The following NUMB variants were observed in gnomAD, a reference collection of about 807,000 sequenced individuals.
NUMB encodes protein numb homolog.
In NUMB, 29 loss-of-function variants were observed where a neutral mutation model predicts 59.7. The observed-to-expected ratio is 0.49, with a 90% CI of 0.36 to 0.66. NUMB has a LOEUF of 0.66. Among genes scored for constraint, NUMB ranks in the 30% least tolerant of loss-of-function variants. The probability of loss-of-function intolerance (pLI) is 0.00; values close to 1 mark genes in which losing one functional copy is unlikely to be tolerated. For missense variants in NUMB, 723 were observed against 822.0 expected, an observed-to-expected ratio of 0.88 and a Z score of 1.47; for synonymous variants, 288 against 288.2, an observed-to-expected ratio of 1.00 and a Z score of 0.01.
At chr14:73,451,173 A>AC (rs1883932336) in intron 1 of NUMB, among the ~76,000 whole-genome samples, 1 of 116,948 alleles carries the variant, frequency 8.6e-6, no homozygotes, top group Non-Finnish European at 1.7e-5. Context: ...AAAAAAAAAA[A>AC]ACAAAAAACA....
Position 73,437,760 on chromosome 14 carries a change from G to T in NUMB, c.-233+20733C>A, listed in dbSNP as rs117828595. ...GTAGCTAGGGAGAGGGAGGGCAAAA[G>T]AACTTGGCGGGGACATGAAACAACA... On this transcript the variant is annotated intron_variant, in intron 1 of 12. Transcript: ENST00000555238. Among the ~76,000 whole-genome samples the T allele has an allele frequency of 6.8e-3, 1,038 of 152,286 alleles. 5 individuals are homozygous for T. The highest frequency in any genetic ancestry group is 0.03 in the South Asian group (143 of 4,828).
chr14:73,396,341 T>G (rs1566778645), intron 2 of NUMB, among the ~76,000 whole-genome samples: 1 of 151,532 alleles, frequency 6.6e-6, no homozygotes, highest in Admixed American at 6.6e-5. Context: ...TGTGTGTGTG[T>G]GTGTGTGTGT....
chr14:73,334,334 TTC>T (rs1359230403), intron 4 of NUMB, among the ~76,000 whole-genome samples: 1 of 152,248 alleles, frequency 6.6e-6, no homozygotes, highest in Non-Finnish European at 1.5e-5. Context: ...CTCTATTGTT[TTC>T]TTTTTTTGCA....
In NUMB at chr14:73,275,674, A is replaced by G. The variant is rs1475363779; in HGVS notation, c.*904T>C. ...AATAATGACATTAGAATTCCATCAT[A>G]GGTTTAAAACCAGGACAATACTGCT... is the stretch of plus-strand genomic sequence containing the variant. On this transcript the variant is annotated 3_prime_UTR_variant, in exon 13 of 13. Coordinates refer to ENST00000555238, the MANE Select transcript of NUMB (RefSeq NM_001005743.2). The G allele has an allele frequency of 6.6e-6, 1 of 152,282 alleles. No individual in the cohort carries two copies. The highest frequency in any genetic ancestry group is 2.4e-5 in the African/African-American group (1 of 41,462). The allele number at this position is 152,282 out of a possible 1,614,324, so 9.4% of individuals were successfully genotyped here.
intron 1 of NUMB, among the ~76,000 whole-genome samples, chr14:73,442,286 T>C (rs987772618): frequency 3.3e-5 from 5 of 151,138 alleles, no homozygotes; most frequent in African/African-American, 9.7e-5. Context: ...GGTGGGACCA[T>C]CTCTTGATCC....
chr14:73,411,101 G>A (rs992188505), intron 1 of NUMB, among the ~76,000 whole-genome samples: 5 of 151,922 alleles, frequency 3.3e-5, no homozygotes, highest in African/African-American at 7.3e-5. Context: ...GCGTGATCTC[G>A]GCTCACTGCA....
At chr14:73,297,179 A>C (rs1199258301) in intron 7 of NUMB, 32 bp downstream of exon 7, 2 of 1,433,364 alleles carry the variant, frequency 1.4e-6, no homozygotes, top group South Asian at 2.4e-5. Context: ...AAAAAAAATA[A>C]AATAAATCAA....
At chr14:73,384,918 A>T (rs1433363486) in intron 2 of NUMB, among the ~76,000 whole-genome samples, 1 of 106,780 alleles carries the variant, frequency 9.4e-6, no homozygotes, top group Non-Finnish European at 1.8e-5. Context: ...TTTGAGACGG[A>T]GTTTCGCTCT....
At chr14:73,444,529 A>G (rs2140194239) in intron 1 of NUMB, among the ~76,000 whole-genome samples, 1 of 152,308 alleles carries the variant, frequency 6.6e-6, no homozygotes, top group Admixed American at 6.5e-5. Flanking sequence ...AAGCCTTTAA[A>G]ATAAAGATGT....
chr14:73,342,234 C>T (rs970638427), intron 4 of NUMB, among the ~76,000 whole-genome samples: 2 of 152,176 alleles, frequency 1.3e-5, no homozygotes, highest in African/African-American at 4.8e-5. Context: ...GGTAGAAGAG[C>T]AAATTATGAT....
chr14:73,333,028 G>A (rs578194032), intron 4 of NUMB, among the ~76,000 whole-genome samples: 1 of 152,256 alleles, frequency 6.6e-6, no homozygotes, highest in South Asian at 2.1e-4. Flanking sequence ...TTTGGACTGT[G>A]GTGAATAGTA....
At chr14:73,339,354 C>T (rs1002610198) in intron 4 of NUMB, among the ~76,000 whole-genome samples, 5 of 152,110 alleles carry the variant, frequency 3.3e-5, no homozygotes, top group African/African-American at 4.8e-5. Flanking sequence ...GTACCTTTTG[C>T]TCTAAACACA....
At chr14:73,310,149 C>T (rs950243912) in intron 6 of NUMB, among the ~76,000 whole-genome samples, 2 of 152,004 alleles carry the variant, frequency 1.3e-5, no homozygotes. Context: ...AGTTCACAAA[C>T]TCAAATGCCT....
intron 2 of NUMB, among the ~76,000 whole-genome samples, chr14:73,376,539 AAAC>A (rs1894956761): frequency 6.6e-6 from 1 of 152,000 alleles, no homozygotes; most frequent in African/African-American, 2.4e-5. Context: ...GAAAAAAAAA[AAAC>A]AAGTAAAAAT....
At chr14:73,417,529 G>T (rs1297620176) in intron 1 of NUMB, among the ~76,000 whole-genome samples, 4 of 151,090 alleles carry the variant, frequency 2.6e-5, no homozygotes, top group African/African-American at 9.8e-5. Flanking sequence ...TCCAGCCTGG[G>T]TGACAAAGTG....
At position 73,429,304 on chromosome 14, in the gene NUMB, G is replaced by T. The variant is rs143410448; in HGVS notation, c.-232-19236C>A. ...GGAGAATGCCGTGAACCCAGGAGGC[G>T]GAGTCTGCAGTGAGCAGAGATCACG... On this transcript the variant is annotated intron_variant, in intron 1 of 12. Transcript: ENST00000555238. Among the ~76,000 whole-genome samples the T allele has an allele frequency of 9.1e-3, 1,382 of 151,866 alleles. 25 individuals are homozygous for T. The highest frequency in any genetic ancestry group is 0.032 in the African/African-American group (1,328 of 41,398).
At chr14:73,357,193 AG>A (rs1343031890) in intron 3 of NUMB, 2 of 156,588 alleles carry the variant, frequency 1.3e-5, no homozygotes, top group African/African-American at 4.9e-5. Context: ...ACTTGAGGTC[AG>A]GAGTTGGAGA....
chr14:73,408,329 GACAAA>G (rs1896768415), intron 2 of NUMB, among the ~76,000 whole-genome samples: 1 of 151,846 alleles, frequency 6.6e-6, no homozygotes, highest in Admixed American at 6.6e-5. Context: ...AACAGAGACA[GACAAA>G]ACAAATTTGG....
intron 8 of NUMB, among the ~76,000 whole-genome samples, 187 bp downstream of exon 8, chr14:73,292,543 CAGTG>C (rs1889468299): frequency 6.6e-6 from 1 of 152,150 alleles, no homozygotes; most frequent in Non-Finnish European, 1.5e-5. Flanking sequence ...TCATTTTGTT[CAGTG>C]AGTTGCAACT....
Sources: gnomAD v4.1 joint callset for allele counts (sites outside exome capture counted in the v4.1 genomes callset) on GRCh38, gnomAD v4.1.1 for gene constraint, MANE v1.5 for transcripts, NCBI Gene and HGNC (gene_info 2026-07-23, HGNC 2026-07-21) for gene names.